The following TRIM5 variants were observed in gnomAD, a reference collection of about 807,000 sequenced individuals.
The protein encoded by TRIM5 is tripartite motif containing 5.
A neutral mutation model predicts 35.6 loss-of-function variants in TRIM5; 31 were observed. The observed-to-expected ratio is 0.87, with a 90% CI of 0.65 to 1.18. The LOEUF is 1.18. Ranked by LOEUF, TRIM5 falls within the 50% of genes most tolerant of loss-of-function variation. TRIM5 has a pLI of 0.00. For missense variants in TRIM5, 609 were observed against 591.6 expected, an observed-to-expected ratio of 1.03 and a Z score of -0.31; for synonymous variants, 243 against 215.6, an observed-to-expected ratio of 1.13 and a Z score of -1.11.
chr11:5,628,861 C>G, the TRIM5 span, among the ~76,000 whole-genome samples: 3 of 151,600 alleles, frequency 2.0e-5, no homozygotes, highest in Admixed American at 2.0e-4. Flanking sequence ...TCTCTCCTAG[C>G]TTCTGGTGGT....
chr11:5,599,847 T>C, the TRIM5 span, among the ~76,000 whole-genome samples: 2 of 152,224 alleles, frequency 1.3e-5, no homozygotes, highest in East Asian at 3.8e-4. Flanking sequence ...ATTTCCTGTG[T>C]TAGCTGCAGT....
At chr11:5,677,384 C>G (rs1469914515) in intron 4 of TRIM5, among the ~76,000 whole-genome samples, 1 of 151,966 alleles carries the variant, frequency 6.6e-6, no homozygotes, top group Non-Finnish European at 1.5e-5. Flanking sequence ...CAGAGAAATG[C>G]AAATCAAAAC....
At chr11:5,676,976 G>A (rs1428214401) in intron 4 of TRIM5, among the ~76,000 whole-genome samples, 11 of 151,970 alleles carry the variant, frequency 7.2e-5, no homozygotes, top group East Asian at 3.8e-4. Context: ...AGACTTAAAC[G>A]TTAGACCTAA....
At chr11:5,658,017 C>T in the TRIM5 span, among the ~76,000 whole-genome samples, 4 of 152,202 alleles carry the variant, frequency 2.6e-5, no homozygotes, top group African/African-American at 4.8e-5. Flanking sequence ...GAGAAAGGCA[C>T]GGTCCCTGAC....
At chr11:5,622,122 A>G in the TRIM5 span, among the ~76,000 whole-genome samples, 1 of 152,234 alleles carries the variant, frequency 6.6e-6, no homozygotes, top group African/African-American at 2.4e-5. Context: ...TTGCATGTCC[A>G]TTGAACTCAG....
rs780665094 is a variant in TRIM5, at chr11:5,666,072, G to A, written c.777C>T (p.Asn259=). The change falls in exon 6 of 8, where the codon AAC becomes AAT. Residue 259 remains asparagine (N), a synonymous_variant. Coordinates refer to ENST00000380034, the MANE Select transcript of TRIM5 (RefSeq NM_033034.3). Reference sequence around the variant, plus strand: ...AAGTTTCTGGCTTCTTCAAGGTCACGTTCTCCGTCCTAAGAATTAAAAAAA... The same window carrying A: ...AAGTTTCTGGCTTCTTCAAGGTCACATTCTCCGTCCTAAGAATTAAAAAAA... ...GVDGVIKRTE[N]VTLKKPETFP... The A allele has an allele frequency of 1.9e-5, 31 of 1,592,558 alleles. No individual in the cohort carries two copies. Among genetic ancestry groups the A allele is most frequent in the African/African-American group, 8.4e-5 (6 of 71,776 alleles).
the TRIM5 span, chr11:5,632,554 G>C: frequency 3.7e-5 from 59 of 1,613,796 alleles, no homozygotes; most frequent in Admixed American, 9.7e-4. Context: ...TCAGCATCTG[G>C]CCAACATAGT....
At chr11:5,631,280 A>G in the TRIM5 span, among the ~76,000 whole-genome samples, 1 of 152,060 alleles carries the variant, frequency 6.6e-6, no homozygotes, top group East Asian at 1.9e-4. Flanking sequence ...CACTCTCATA[A>G]CCCTGGATCC....
chr11:5,664,982 G>A lies in TRIM5; in HGVS notation c.1309C>T (p.Arg437Cys), dbSNP rs371395081. 57 of 1,613,960 alleles carry A rather than the reference G, an allele frequency of 3.5e-5. No individual in the cohort carries two copies. The highest frequency in any genetic ancestry group is 4.3e-5 in the Non-Finnish European group (51 of 1,180,036). Residue 437 changes from arginine to cysteine, a missense_variant, in exon 8 of 8, where the codon CGT becomes TGT. Physicochemically the swap from Arg to Cys is radical, Grantham distance 180 (BLOSUM62 -3). Coordinates refer to ENST00000380034, the MANE Select transcript of TRIM5 (RefSeq NM_033034.3). ...TCATAGTCTAGGAAAACTCCAACAC[G>A]ATCAGGACAAATAATCACAGAGAGG... is the stretch of plus-strand genomic sequence containing the variant. The part of the protein sequence containing the change: ...VPLSVIICPD[R>C]VGVFLDYEAC...
chr11:5,678,006 G>A (rs529622192), intron 4 of TRIM5, 198 bp downstream of exon 4: 3 of 506,102 alleles, frequency 5.9e-6, no homozygotes, highest in East Asian at 3.2e-5. Context: ...TTTTTCTACT[G>A]CTCTGGATAA....
chr11:5,606,768 A>G, the TRIM5 span, among the ~76,000 whole-genome samples: 1 of 152,196 alleles, frequency 6.6e-6, no homozygotes, highest in African/African-American at 2.4e-5. Flanking sequence ...TAGTTTAGAC[A>G]CTTCCACATT....
At chr11:5,606,445 T>C in the TRIM5 span, among the ~76,000 whole-genome samples, 2 of 152,176 alleles carry the variant, frequency 1.3e-5, no homozygotes, top group South Asian at 2.1e-4. Flanking sequence ...ACCTTCAGAG[T>C]GTAAGATATT....
the TRIM5 span, among the ~76,000 whole-genome samples, chr11:5,605,922 A>G: frequency 1.3e-5 from 2 of 152,102 alleles, no homozygotes; most frequent in African/African-American, 4.8e-5. Context: ...TCTCCTGTAC[A>G]TTGTAGGATG....
the TRIM5 span, chr11:5,590,072 G>C: frequency 6.4e-6 from 1 of 156,812 alleles, no homozygotes; most frequent in East Asian, 1.9e-4. Flanking sequence ...CCAGCCCACC[G>C]GCACTGCGCT....
chr11:5,641,412 A>T, the TRIM5 span: 2 of 1,193,298 alleles, frequency 1.7e-6, no homozygotes, highest in Non-Finnish European at 2.2e-6. Flanking sequence ...GTTCAGAGCT[A>T]CAGCCAAAAA....
the TRIM5 span, chr11:5,644,014 G>A: frequency 2.2e-6 from 1 of 457,044 alleles, no homozygotes; most frequent in Non-Finnish European, 3.8e-6. Flanking sequence ...CCCAAAGCCT[G>A]TTAGCCACCA....
chr11:5,640,678 G>A, the TRIM5 span, among the ~76,000 whole-genome samples: 1 of 152,090 alleles, frequency 6.6e-6, no homozygotes, highest in South Asian at 2.1e-4. Flanking sequence ...ATTAGGAAGT[G>A]TTCCCTGCTC....
chr11:5,605,841 ATGT>A, the TRIM5 span, among the ~76,000 whole-genome samples: 5 of 152,162 alleles, frequency 3.3e-5, no homozygotes, highest in African/African-American at 1.2e-4. Flanking sequence ...GTATCCAGTG[ATGT>A]TGTTCTTTCT....
the TRIM5 span, among the ~76,000 whole-genome samples, chr11:5,599,638 T>C: frequency 6.6e-6 from 1 of 152,106 alleles, no homozygotes; most frequent in Admixed American, 6.6e-5. Context: ...CTCCTGACCT[T>C]GTGATCCGCC....
Sources: gnomAD v4.1 joint callset for allele counts (sites outside exome capture counted in the v4.1 genomes callset) on GRCh38, gnomAD v4.1.1 for gene constraint, MANE v1.5 for transcripts, NCBI Gene and HGNC (gene_info 2026-07-23, HGNC 2026-07-21) for gene names.